The following KIDINS220 variants were observed in gnomAD, a reference collection of about 807,000 sequenced individuals.
KIDINS220 encodes kinase D interacting substrate 220.
Under a neutral mutation model 157.6 loss-of-function variants are expected in KIDINS220, and 63 were observed. The ratio of observed to expected loss-of-function variants is 0.40; its 90% CI spans 0.33 to 0.49. KIDINS220 has a LOEUF of 0.49. KIDINS220 is among the 20% of genes least tolerant of loss of function. The pLI is 0.66. For synonymous variants in KIDINS220, 732 were observed against 783.6 expected (o/e 0.93, Z 1.10); for missense variants, 1,772 against 2,171.2 (o/e 0.82, Z 3.65).
At chr2:8,732,102 C>G (rs1664209617) in intron 29 of KIDINS220, 120 bp from the exon 30 acceptor site, 10 of 848,904 alleles carry the variant, frequency 1.2e-5, no homozygotes, top group Non-Finnish European at 1.7e-5. Context: ...ACATCAAATT[C>G]TTTTAAAAGA....
chr2:8,831,345 T>G (rs1261853323), intron 1 of KIDINS220, among the ~76,000 whole-genome samples: 3 of 132,208 alleles, frequency 2.3e-5, no homozygotes. Context: ...CATAGTCACA[T>G]CTACACCTCC....
Position 8,812,457 on chromosome 2 carries a change from C to T in KIDINS220, c.442G>A (p.Gly148Ser). Residue 148 changes from glycine (G) to serine (S), a missense_variant, in exon 6 of 30, where the codon GGC becomes AGC. By Grantham distance (56) the Gly-to-Ser change is moderately conservative (BLOSUM62 0). This residue lies in a region of KIDINS220 where 254 missense variants were observed against 268.6 expected (regional missense o/e 0.95). Transcript: ENST00000256707. Reference sequence around the variant, plus strand: ...AAAAGATGAACTATATCTGCATGGCCTCTCCCTGCTGCCCAAATGATTGGG... The same window carrying T: ...AAAAGATGAACTATATCTGCATGGCTTCTCCCTGCTGCCCAAATGATTGGG... ...VYPIIWAAGR[G>S]HADIVHLLLQ... 1 of 1,597,918 alleles carries T rather than the reference C, an allele frequency of 6.3e-7. No individual in the cohort carries two copies. The highest frequency in any genetic ancestry group is 8.5e-7 in the Non-Finnish European group (1 of 1,171,964).
At position 8,785,990 on chromosome 2, in the gene KIDINS220, A is replaced by C; in HGVS notation, c.1980T>G (p.Phe660Leu). The change falls in exon 17 of 30, where the codon TTT (phenylalanine) becomes TTG (leucine). Residue 660 changes from phenylalanine (F) to leucine (L), a missense_variant. Physicochemically the swap from Phe to Leu is conservative, Grantham distance 22. This residue lies in a region of KIDINS220 where 725 missense variants were observed against 1,017.1 expected (regional missense o/e 0.71). Transcript: ENST00000256707. ...KWKKTCCLPS[F>L]VIFLFIIGCI... ...AGCCAATGATAAAAAGGAAGATGAC[A>C]AAAGATGGGAGACAACATGTTTTTT... is the stretch of plus-strand genomic sequence containing the variant. 1 of 1,611,666 alleles carries C rather than the reference A, an allele frequency of 6.2e-7. No homozygotes were observed. The highest frequency in any genetic ancestry group is 1.1e-5 in the South Asian group (1 of 90,260).
Position 8,729,185 on chromosome 2 carries a change from A to G in KIDINS220, c.*1535T>C, listed in dbSNP as rs1326242148. 1 of 984,242 alleles carries G rather than the reference A, an allele frequency of 1.0e-6. No homozygotes were observed. The highest frequency in any genetic ancestry group is 1.2e-6 in the Non-Finnish European group (1 of 828,504). 61.0% of individuals were successfully genotyped at this position (984,242 alleles called of 1,614,324 possible). ...TTTAAAATTGCTTAAAACATTTGTT[A>G]AAGATCATGCAAAATAAACACTGTA... On this transcript the variant is annotated 3_prime_UTR_variant, in exon 30 of 30. Coordinates refer to ENST00000256707, the MANE Select transcript of KIDINS220 (RefSeq NM_020738.4).
downstream of KIDINS220, chr2:8,721,203 G>A (rs1189226887): frequency 6.6e-6 from 1 of 152,022 alleles, no homozygotes; most frequent in Non-Finnish European, 1.5e-5. Context: ...AATAGAATAT[G>A]AAGAAAAATA....
chr2:8,730,868 G>C lies in KIDINS220; in HGVS notation c.5168C>G (p.Thr1723Ser), dbSNP rs775445268. 1 of 1,614,238 alleles carries C rather than the reference G, an allele frequency of 6.2e-7. No homozygotes were observed. Among genetic ancestry groups the C allele is most frequent in the East Asian group, 2.2e-5 (1 of 44,890 alleles). The change falls in exon 30 of 30, where the codon ACT becomes AGT. Residue 1723 changes from threonine to serine, a missense_variant. Physicochemically the swap from Thr to Ser is moderately conservative, Grantham distance 58 (BLOSUM62 1). This residue lies in a region of KIDINS220 where 793 missense variants were observed against 885.5 expected (regional missense o/e 0.90). Transcript: ENST00000256707. ...LRPSSSPNPT[T>S]IQNENLKSMT... ...GCTTTTTAGATTCTCATTCTGAATA[G>C]TGGTTGGGTTGGGACTGGAACTAGG... is the stretch of plus-strand genomic sequence containing the variant.
chr2:8,826,831 T>TCTATCA, intron 2 of KIDINS220, 155 bp downstream of exon 2: 2 of 383,374 alleles, frequency 5.2e-6, no homozygotes, highest in Non-Finnish European at 9.3e-6. Flanking sequence ...AACATGAAAT[T>TCTATCA]TGAAGTACTT....
chr2:8,828,083 T>C (rs1379562859), intron 1 of KIDINS220, among the ~76,000 whole-genome samples: 1 of 152,150 alleles, frequency 6.6e-6, no homozygotes, highest in Non-Finnish European at 1.5e-5. Context: ...AATCAAATGT[T>C]TTTACCTTGG....
At chr2:8,738,000 A>G (rs1403626477) in intron 26 of KIDINS220, among the ~76,000 whole-genome samples, 6 of 152,160 alleles carry the variant, frequency 3.9e-5, no homozygotes, top group South Asian at 2.1e-4. Flanking sequence ...TATCTTTTCT[A>G]TCTTTCAAAT....
In KIDINS220 at chr2:8,747,983, G is replaced by C. The variant is rs768547809; in HGVS notation, c.3432C>G (p.Tyr1144Ter). The C allele has an allele frequency of 3.2e-6, 5 of 1,571,788 alleles. No homozygotes were observed. Among genetic ancestry groups the C allele is most frequent in the Non-Finnish European group, 3.4e-6 (4 of 1,162,582 alleles). Residue 1144 changes from tyrosine to a stop codon, truncating the protein, a stop_gained, in exon 25 of 30, where the codon TAC becomes TAG. Transcript: ENST00000256707. LOFTEE classifies it high-confidence loss of function. ...CAGGGTAATACCTTGGCGTGTAAAG[G>C]TATGGGGCAAAGAATGGCTATGGAA... Reference protein sequence around the residue: ...PFYNRPFFAPYLYTPRYYPGG... With the variant: ...PFYNRPFFAP
chr2:8,778,640 C>T lies in KIDINS220; in HGVS notation c.2702G>A (p.Arg901Gln), dbSNP rs755319483. The T allele has an allele frequency of 1.9e-6, 3 of 1,607,998 alleles. No homozygotes were observed. Among genetic ancestry groups the T allele is most frequent in the South Asian group, 1.1e-5 (1 of 90,936 alleles). Residue 901 changes from arginine to glutamine, a missense_variant and splice_region_variant, in exon 20 of 30, where the codon CGG becomes CAG. Arg to Gln is a conservative substitution (Grantham distance 43, BLOSUM62 1). Coordinates refer to ENST00000256707, the MANE Select transcript of KIDINS220 (RefSeq NM_020738.4). ...KLGSKTALNRRDTYRRRQMQR... is the reference protein window; with the variant it reads ...KLGSKTALNRQDTYRRRQMQR... ...AGCTCGAAGCCAATGGCATCTTACC[C>T]GTCTATTGAGGGCTGTCTTGCTACC...
At chr2:8,768,834 C>G (rs1179679758) in intron 22 of KIDINS220, among the ~76,000 whole-genome samples, 1 of 152,092 alleles carries the variant, frequency 6.6e-6, no homozygotes, top group African/African-American at 2.4e-5. Flanking sequence ...ATCAAAGTGT[C>G]TTCCTATAGT....
At chr2:8,788,230 A>G (rs1032484794) in intron 15 of KIDINS220, among the ~76,000 whole-genome samples, 3 of 151,908 alleles carry the variant, frequency 2.0e-5, no homozygotes, top group African/African-American at 4.8e-5. Context: ...AAAGGTTCCA[A>G]TGTTTTTTGG....
intron 22 of KIDINS220, among the ~76,000 whole-genome samples, chr2:8,769,630 A>T (rs1669919588): frequency 6.6e-6 from 1 of 152,226 alleles, no homozygotes; most frequent in Non-Finnish European, 1.5e-5. Flanking sequence ...TTAAAACTTA[A>T]GTTTTAACCG....
At chr2:8,824,021 C>T (rs1678393422) in intron 2 of KIDINS220, among the ~76,000 whole-genome samples, 1 of 150,462 alleles carries the variant, frequency 6.6e-6, no homozygotes, top group Non-Finnish European at 1.5e-5. Flanking sequence ...TGTTTAAAGT[C>T]AAATAGAGCA....
At chr2:8,739,073 T>C (rs567709488) in intron 26 of KIDINS220, among the ~76,000 whole-genome samples, 1 of 152,296 alleles carries the variant, frequency 6.6e-6, no homozygotes, top group African/African-American at 2.4e-5. Flanking sequence ...TGAGGAGAAT[T>C]TTATGTCTAT....
chr2:8,801,370 C>T (rs2148325089), intron 8 of KIDINS220, among the ~76,000 whole-genome samples: 1 of 152,178 alleles, frequency 6.6e-6, no homozygotes, highest in Non-Finnish European at 1.5e-5. Context: ...GTGTTAACTA[C>T]CACATTTATA....
intron 22 of KIDINS220, among the ~76,000 whole-genome samples, chr2:8,766,623 C>T (rs1438839475): frequency 1.3e-5 from 2 of 152,148 alleles, no homozygotes; most frequent in African/African-American, 4.8e-5. Context: ...AATAGGTGTC[C>T]AATAACTGTT....
chr2:8,779,560 G>A, intron 18 of KIDINS220, 114 bp downstream of exon 18: 1 of 1,060,656 alleles, frequency 9.4e-7, no homozygotes, highest in Non-Finnish European at 1.3e-6. Context: ...TCACAAAATA[G>A]GAACTACTCA....
Sources: gnomAD v4.1 joint callset for allele counts (sites outside exome capture counted in the v4.1 genomes callset) on GRCh38, gnomAD v4.1.1 for gene constraint, gnomAD v4.1.1 regional missense constraint, MANE v1.5 for transcripts, NCBI Gene and HGNC (gene_info 2026-07-23, HGNC 2026-07-21) for gene names.